KDM2B: variants seen among roughly 807,000 people sequenced by gnomAD.
KDM2B encodes lysine-specific demethylase 2B.
In KDM2B, 26 loss-of-function variants were observed where a neutral mutation model predicts 150.0. The ratio of observed to expected loss-of-function variants is 0.17; its 90% confidence interval spans 0.13 to 0.24. The LOEUF (loss-of-function observed/expected upper bound fraction) is 0.24, where lower values mean the gene tolerates loss of function less well. KDM2B is among the 10% of genes least tolerant of loss of function. The probability of loss-of-function intolerance (pLI) is 1.00; values close to 1 mark genes in which losing one functional copy is unlikely to be tolerated. For missense variants in KDM2B, 1,265 were observed against 1,816.9 expected (o/e 0.70, Z 5.52); for synonymous variants, 734 against 729.5 (o/e 1.01, Z -0.10).
chr12:121,534,366 G>A (rs1172449318), intron 7 of KDM2B, 131 bp downstream of exon 7: 8 of 628,832 alleles, frequency 1.3e-5, no homozygotes, highest in Non-Finnish European at 2.0e-5. Flanking sequence ...AAAAAAAAGA[G>A]TAATCCTTAA....
At chr12:121,493,256 T>C (rs1555300258) in intron 12 of KDM2B, among the ~76,000 whole-genome samples, 1 of 151,592 alleles carries the variant, frequency 6.6e-6, no homozygotes, top group African/African-American at 2.4e-5. Flanking sequence ...AATCAGAAAT[T>C]AACAAAATAC....
intron 2 of KDM2B, 132 bp downstream of exon 2, chr12:121,578,661 CAGTGCTCGG>C: frequency 1.2e-5 from 4 of 328,564 alleles, no homozygotes; most frequent in Non-Finnish European, 2.2e-5. Flanking sequence ...CCCACCCCCC[CAGTGCTCGG>C]CCTCGTTTCG....
intron 14 of KDM2B, 43 bp from the exon 15 acceptor site, chr12:121,444,579 G>T: frequency 6.5e-7 from 1 of 1,543,374 alleles, no homozygotes. Flanking sequence ...GGGCGGAGAA[G>T]ATGGCCCACG....
intron 12 of KDM2B, among the ~76,000 whole-genome samples, chr12:121,464,216 GAGC>G (rs1879507016): frequency 6.6e-6 from 1 of 152,226 alleles, no homozygotes; most frequent in Non-Finnish European, 1.5e-5. Flanking sequence ...CTGCGTGACA[GAGC>G]AGGACCCTGA....
chr12:121,582,093 G>A (rs1327952537), upstream of KDM2B, among the ~76,000 whole-genome samples: 2 of 152,140 alleles, frequency 1.3e-5, no homozygotes, highest in Non-Finnish European at 2.9e-5. Context: ...GAGTGCTGCC[G>A]GTTCTGCCTT....
intron 4 of KDM2B, among the ~76,000 whole-genome samples, chr12:121,560,664 C>T (rs528712174): frequency 7.9e-5 from 12 of 151,806 alleles, no homozygotes; most frequent in South Asian, 2.1e-4. Context: ...GAGGAAGAGA[C>T]GGGGGCCGCC....
At chr12:121,543,106 G>C (rs1439714912) in intron 6 of KDM2B, among the ~76,000 whole-genome samples, 3 of 152,216 alleles carry the variant, frequency 2.0e-5, no homozygotes, top group Non-Finnish European at 2.9e-5. Flanking sequence ...TGTAATCCCA[G>C]CACGTTGGGA....
intron 11 of KDM2B, among the ~76,000 whole-genome samples, chr12:121,503,112 G>A (rs1350939103): frequency 6.6e-6 from 1 of 151,446 alleles, no homozygotes; most frequent in African/African-American, 2.4e-5. Context: ...CTAGTAGCTG[G>A]GCCTACAGGC....
At chr12:121,516,893 A>G in intron 9 of KDM2B, 1 of 638,632 alleles carries the variant, frequency 1.6e-6, no homozygotes, top group Non-Finnish European at 2.8e-6. Context: ...AATCAATGGA[A>G]AAAAAAAAAA....
At chr12:121,523,886 G>A (rs1248850850) in intron 8 of KDM2B, among the ~76,000 whole-genome samples, 6 of 152,140 alleles carry the variant, frequency 3.9e-5, no homozygotes, top group South Asian at 2.1e-4. Context: ...CCCATCCCAC[G>A]ACCTTCACCC....
intron 1 of KDM2B, chr12:121,580,038 T>C: frequency 6.2e-7 from 1 of 1,605,926 alleles, no homozygotes; most frequent in South Asian, 1.1e-5. Flanking sequence ...TTCCAGAGTC[T>C]TTCTCTGCCT....
At chr12:121,455,944 G>A (rs1027332841) in intron 12 of KDM2B, among the ~76,000 whole-genome samples, 1 of 152,234 alleles carries the variant, frequency 6.6e-6, no homozygotes, top group African/African-American at 2.4e-5. Flanking sequence ...AGCCAACAGA[G>A]CAGCCAAGGC....
chr12:121,501,082 C>G (rs1486596709), intron 11 of KDM2B, among the ~76,000 whole-genome samples: 1 of 152,028 alleles, frequency 6.6e-6, no homozygotes, highest in Non-Finnish European at 1.5e-5. Flanking sequence ...GCCTGGGCAA[C>G]AGAGCAAGAT....
At chr12:121,465,138 A>T (rs189669276) in intron 12 of KDM2B, among the ~76,000 whole-genome samples, 10 of 152,236 alleles carry the variant, frequency 6.6e-5, no homozygotes, top group East Asian at 5.8e-4. Context: ...GTTGCTAAGG[A>T]CTCCACAAGT....
intron 9 of KDM2B, among the ~76,000 whole-genome samples, chr12:121,517,429 G>A (rs911597140): frequency 6.6e-6 from 1 of 151,866 alleles, no homozygotes; most frequent in Non-Finnish European, 1.5e-5. Flanking sequence ...AGTTTAGATA[G>A]GGGTCCCCAC....
In KDM2B at chr12:121,430,011, T is replaced by C; in HGVS notation, c.*277A>G. ...CTTCAGTATGAGAATTTCTCCGAAGTCCACCCTCCTCTCCGACAGGAATGT... is the reference window on the plus strand; with the variant it reads ...CTTCAGTATGAGAATTTCTCCGAAGCCCACCCTCCTCTCCGACAGGAATGT... On this transcript the variant is annotated 3_prime_UTR_variant, in exon 23 of 23. Transcript: ENST00000377071. The surrounding 1 kb of genome is among the most constrained non-coding windows in gnomAD (Gnocchi z 4.4). 1 of 992,370 alleles carries C rather than the reference T, an allele frequency of 1.0e-6. No individual in the cohort carries two copies. Among genetic ancestry groups the C allele is most frequent in the Non-Finnish European group, 1.6e-6 (1 of 615,788 alleles). The allele number at this position is 992,370 out of a possible 1,614,324, so 61.5% of individuals were successfully genotyped here.
intron 4 of KDM2B, among the ~76,000 whole-genome samples, chr12:121,553,943 T>C (rs973700797): frequency 6.6e-6 from 1 of 151,960 alleles, no homozygotes; most frequent in Non-Finnish European, 1.5e-5. Flanking sequence ...CTCACACCTG[T>C]AATCCCAACA....
Position 121,559,144 on chromosome 12 carries a change from A to G in KDM2B, c.398-9506T>C, listed in dbSNP as rs544395814. The stretch of plus-strand genomic sequence containing the variant: ...CTTAACTCAGCTGTATGCCTGCCTC[A>G]GACCAGGGAAGGGCTGTGGGGAGCA... On this transcript the variant is annotated intron_variant, in intron 4 of 22. Transcript: ENST00000377071. Among the ~76,000 whole-genome samples, 16 of 152,338 alleles carry G rather than the reference A, an allele frequency of 1.1e-4. No individual in the cohort carries two copies. The South Asian group carries it at 3.3e-3, about 32-fold the overall frequency.
At chr12:121,420,465 A>C in the KDM2B span, 4 of 1,557,570 alleles carry the variant, frequency 2.6e-6, no homozygotes, top group Non-Finnish European at 2.6e-6. Context: ...ATACTGAAAC[A>C]CTTCTAGGAC....
Sources: allele counts gnomAD v4.1 joint callset (sites outside exome capture counted in the v4.1 genomes callset), GRCh38; gene constraint gnomAD v4.1.1; non-coding constraint Gnocchi (gnomAD v3.1); transcripts MANE v1.5; gene names NCBI Gene and HGNC (gene_info 2026-07-23, HGNC 2026-07-21).